Variants in ITGA9 observed in about 807,000 individuals in gnomAD.
ITGA9 encodes integrin subunit alpha 9, also known as integrin alpha-9.
Under a neutral mutation model 127.8 loss-of-function variants are expected in ITGA9, and 56 were observed. The observed-to-expected ratio is 0.44, with a 90% CI of 0.35 to 0.55. ITGA9 has a LOEUF of 0.55. ITGA9 is among the 20% of genes least tolerant of loss of function. ITGA9 has a pLI of 0.00. For synonymous variants in ITGA9, 508 were observed against 514.5 expected (o/e 0.99, Z 0.17); for missense variants, 1,196 against 1,347.1 (o/e 0.89, Z 1.76).
At chr3:37,586,458 A>G (rs1210225408) in intron 15 of ITGA9, among the ~76,000 whole-genome samples, 1 of 152,206 alleles carries the variant, frequency 6.6e-6, no homozygotes, top group Non-Finnish European at 1.5e-5. Context: ...GTTCCCTCCT[A>G]AAAAAGGACA....
Position 37,819,175 on chromosome 3 carries a change from G to A in ITGA9, c.*186G>A. 3.2e-6 allele frequency: 2 copies of A among 625,436 alleles called. No individual in the cohort carries two copies. The highest frequency in any genetic ancestry group is 3.8e-5 in the South Asian group (2 of 52,746). The allele number at this position is 625,436 out of a possible 1,614,324, so 38.7% of individuals were successfully genotyped here. Reference sequence around the variant, plus strand: ...CACTTCGGCCAGGTCACACGACCGGGGCCAGCACCACTTCCTTTAAAGATG... The same window carrying A: ...CACTTCGGCCAGGTCACACGACCGGAGCCAGCACCACTTCCTTTAAAGATG... On this transcript the variant is annotated 3_prime_UTR_variant, in exon 28 of 28. Transcript: ENST00000264741.
At chr3:37,509,669 A>G (rs1261031852) in intron 8 of ITGA9, among the ~76,000 whole-genome samples, 1 of 152,098 alleles carries the variant, frequency 6.6e-6, no homozygotes, top group Admixed American at 6.5e-5. Context: ...AAAATGCATC[A>G]CCAAACTTGG....
chr3:37,608,676 T>C (rs531407351), intron 15 of ITGA9, among the ~76,000 whole-genome samples: 4 of 152,352 alleles, frequency 2.6e-5, no homozygotes, highest in African/African-American at 9.6e-5. Flanking sequence ...AAAAGGCTTT[T>C]ACTAGATGTT....
intron 14 of ITGA9, among the ~76,000 whole-genome samples, chr3:37,535,134 T>C (rs151278031): frequency 6.6e-6 from 1 of 152,366 alleles, no homozygotes; most frequent in Non-Finnish European, 1.5e-5. Context: ...ATTTGACACA[T>C]GCTTATTATG....
intron 15 of ITGA9, among the ~76,000 whole-genome samples, chr3:37,572,862 C>T (rs1485985898): frequency 6.6e-6 from 1 of 152,204 alleles, no homozygotes; most frequent in Non-Finnish European, 1.5e-5. Context: ...TCACCTCTCA[C>T]TCTCATTTTC....
chr3:37,685,549 C>G (rs1424586342), intron 18 of ITGA9, among the ~76,000 whole-genome samples: 2 of 152,132 alleles, frequency 1.3e-5, no homozygotes, highest in Non-Finnish European at 2.9e-5. Flanking sequence ...GATGCCATCT[C>G]CCTGTGCAGG....
At chr3:37,740,310 G>T (rs764214470) in intron 20 of ITGA9, among the ~76,000 whole-genome samples, 1 of 152,124 alleles carries the variant, frequency 6.6e-6, no homozygotes, top group Non-Finnish European at 1.5e-5. Context: ...CTTTTCTTCC[G>T]CCCATGCAGG....
chr3:37,743,961 C>T lies in ITGA9; in HGVS notation c.2360C>T (p.Ser787Phe). Residue 787 changes from serine (S) to phenylalanine (F), a missense_variant, in exon 22 of 28, where the codon TCC becomes TTC. Physicochemically the swap from Ser to Phe is radical, Grantham distance 155 (BLOSUM62 -2). Transcript: ENST00000264741. ...MSPTSFVYGE[S>F]VDAANFIQLD... ...CCAACCTCCTTTGTATATGGCGAGT[C>T]CGTGGACGCAGCCAACTTCATTCAG... The T allele has an allele frequency of 6.2e-7, 1 of 1,614,002 alleles. No homozygotes were observed. The highest frequency in any genetic ancestry group is 8.5e-7 in the Non-Finnish European group (1 of 1,179,850).
intron 10 of ITGA9, among the ~76,000 whole-genome samples, chr3:37,518,350 A>G (rs971959459): frequency 1.3e-5 from 2 of 152,060 alleles, no homozygotes; most frequent in Non-Finnish European, 2.9e-5. Context: ...GATACCTCCT[A>G]CCACTGGCTA....
intron 15 of ITGA9, among the ~76,000 whole-genome samples, chr3:37,599,654 A>G (rs192055825): frequency 1.1e-3 from 172 of 152,336 alleles, no homozygotes; most frequent in African/African-American, 4.0e-3. Flanking sequence ...GACTGAGCCC[A>G]TGGGCTTTGG....
intron 24 of ITGA9, among the ~76,000 whole-genome samples, chr3:37,777,845 A>G (rs1559595777): frequency 6.6e-6 from 1 of 152,238 alleles, no homozygotes; most frequent in African/African-American, 2.4e-5. Flanking sequence ...ATCTACTAAA[A>G]CAAAACGTGT....
chr3:37,731,081 A>T (rs1279124703), intron 18 of ITGA9, among the ~76,000 whole-genome samples: 1 of 152,234 alleles, frequency 6.6e-6, no homozygotes, highest in African/African-American at 2.4e-5. Flanking sequence ...AAACATCATT[A>T]TCCGGCAGAA....
chr3:37,741,620 C>G (rs913907181), intron 20 of ITGA9, 110 bp from the exon 21 acceptor site: 1 of 815,760 alleles, frequency 1.2e-6, no homozygotes, highest in African/African-American at 1.7e-5. Context: ...AATGAGGTGC[C>G]ATCTGCCCTT....
chr3:37,500,777 G>C (rs1474010411), intron 5 of ITGA9, among the ~76,000 whole-genome samples: 1 of 152,190 alleles, frequency 6.6e-6, no homozygotes, highest in Non-Finnish European at 1.5e-5. Context: ...GAAAAGATCT[G>C]TTTCTGAAAT....
chr3:37,721,609 CT>C (rs1420954716), intron 18 of ITGA9, among the ~76,000 whole-genome samples: 7 of 152,162 alleles, frequency 4.6e-5, no homozygotes, highest in African/African-American at 1.7e-4. Flanking sequence ...AAGCAACTGG[CT>C]TTGTAGTGCT....
intron 18 of ITGA9, among the ~76,000 whole-genome samples, chr3:37,685,336 G>A (rs2125663794): frequency 6.6e-6 from 1 of 152,306 alleles, no homozygotes; most frequent in East Asian, 1.9e-4. Flanking sequence ...ATTCCCTGCT[G>A]CTTCATAGCT....
At position 37,819,733 on chromosome 3, in the gene ITGA9, C is replaced by T. The variant is rs1015567001; in HGVS notation, c.*744C>T. 1 of 152,522 alleles carries T rather than the reference C, an allele frequency of 6.6e-6. No homozygotes were observed. The highest frequency in any genetic ancestry group is 1.9e-4 in the East Asian group (1 of 5,194). The allele number at this position is 152,522 out of a possible 1,614,324, so 9.4% of individuals were successfully genotyped here. A position where few individuals can be genotyped will look rare whatever the true frequency, so the allele number is the denominator to read the frequency against. ...CCTGATCCCTAGCAAGAAGTCTGCT[C>T]TGTATCACCTTTATATAGCAGACAT... On this transcript the variant is annotated 3_prime_UTR_variant, in exon 28 of 28. Transcript: ENST00000264741.
rs970338498 is a variant in ITGA9, at chr3:37,503,224, C to T, written c.659C>T (p.Thr220Ile). 7 of 1,613,896 alleles carry T rather than the reference C, an allele frequency of 4.3e-6. No homozygotes were observed. In the East Asian group the frequency reaches 1.6e-4, roughly 36 times the overall value. The stretch of plus-strand genomic sequence containing the variant: ...CCAGGGTCATTTTATTGGGCTGGAA[C>T]CATCAAAGTGCTGAACCTTACGGAC... ...GAPGSFYWAG[T>I]IKVLNLTDNT... The change falls in exon 6 of 28, where the codon ACC becomes ATC. Residue 220 changes from threonine to isoleucine, a missense_variant. By Grantham distance (89) the Thr-to-Ile change is moderately conservative. Coordinates refer to ENST00000264741, the MANE Select transcript of ITGA9 (RefSeq NM_002207.3).
At chr3:37,570,276 T>G (rs959554346) in intron 15 of ITGA9, among the ~76,000 whole-genome samples, 12 of 152,248 alleles carry the variant, frequency 7.9e-5, no homozygotes, top group African/African-American at 2.9e-4. Flanking sequence ...TTGTTGCTAT[T>G]CTTAAATATT....
Sources: gnomAD v4.1 joint callset for allele counts (sites outside exome capture counted in the v4.1 genomes callset) on GRCh38, gnomAD v4.1.1 for gene constraint, MANE v1.5 for transcripts, NCBI Gene and HGNC (gene_info 2026-07-23, HGNC 2026-07-21) for gene names.